BACH2: variants seen among roughly 807,000 people sequenced by gnomAD.
The protein encoded by BACH2 is BACH transcriptional regulator 2, also known as transcription regulator protein BACH2.
A neutral mutation model predicts 61.8 loss-of-function variants in BACH2; 5 were observed. The observed-to-expected ratio is 0.08, with a 90% CI of 0.04 to 0.17. The LOEUF (loss-of-function observed/expected upper bound fraction) is 0.17, where lower values mean the gene tolerates loss of function less well. BACH2 is among the 10% of genes least tolerant of loss of function. The pLI is 1.00. For missense variants in BACH2, 824 were observed against 1,091.1 expected (o/e 0.76, Z 3.45); for synonymous variants, 446 against 440.1 (o/e 1.01, Z -0.17).
At chr6:90,117,011 A>G in intron 4 of BACH2, 1 of 361,124 alleles carries the variant, frequency 2.8e-6, no homozygotes, top group Non-Finnish European at 5.5e-6. Context: ...GATGAATAAT[A>G]TTTCCCACAC....
At chr6:90,100,749 A>AGACACACACACC (rs1782593078) in intron 4 of BACH2, among the ~76,000 whole-genome samples, 6 of 150,608 alleles carry the variant, frequency 4.0e-5, no homozygotes, top group African/African-American at 1.5e-4. Flanking sequence ...ACACACACAC[A>AGACACACACACC]CCCTCTATTG....
intron 3 of BACH2, among the ~76,000 whole-genome samples, chr6:90,230,313 A>G (rs996847026): frequency 1.3e-5 from 2 of 152,260 alleles, no homozygotes; most frequent in East Asian, 1.9e-4. Context: ...CGGATTTGGC[A>G]TAACACCTGG....
At chr6:90,228,361 T>C (rs1050803355) in intron 3 of BACH2, among the ~76,000 whole-genome samples, 1 of 152,222 alleles carries the variant, frequency 6.6e-6, no homozygotes, top group Non-Finnish European at 1.5e-5. Context: ...AAAAGAACCA[T>C]AGGTGGATTA....
chr6:89,995,858 G>A (rs1776817707), intron 6 of BACH2, among the ~76,000 whole-genome samples: 1 of 152,174 alleles, frequency 6.6e-6, no homozygotes, highest in Non-Finnish European at 1.5e-5. Flanking sequence ...AGGTAATTTA[G>A]GGAGCAACTC....
chr6:90,033,036 G>T (rs538587448), intron 5 of BACH2, among the ~76,000 whole-genome samples: 2 of 152,180 alleles, frequency 1.3e-5, no homozygotes, highest in East Asian at 3.9e-4. Flanking sequence ...CATAAAAAAT[G>T]ATGAGTTCAT....
chr6:89,967,396 T>C (rs1300634683), intron 6 of BACH2, among the ~76,000 whole-genome samples: 2 of 152,226 alleles, frequency 1.3e-5, no homozygotes, highest in Admixed American at 6.5e-5. Context: ...CCTTTAAGGA[T>C]GTGAGTTAAA....
intron 5 of BACH2, among the ~76,000 whole-genome samples, chr6:90,013,955 A>G (rs928967473): frequency 5.4e-5 from 8 of 149,314 alleles, no homozygotes; most frequent in Admixed American, 5.3e-4. Flanking sequence ...ATTATTTCTT[A>G]TTTTTTTTTG....
intron 2 of BACH2, among the ~76,000 whole-genome samples, chr6:90,253,451 C>T (rs187162811): frequency 9.2e-5 from 14 of 152,154 alleles, no homozygotes; most frequent in Admixed American, 7.8e-4. Context: ...GAATTATTTT[C>T]GATATAGAAA....
intron 4 of BACH2, among the ~76,000 whole-genome samples, chr6:90,139,888 T>TCCAG (rs983871029): frequency 2.6e-5 from 4 of 152,166 alleles, no homozygotes; most frequent in African/African-American, 9.7e-5. Flanking sequence ...TAAGCCAGAC[T>TCCAG]CCAGCTAATA....
chr6:90,089,685 A>C (rs1021599527), intron 4 of BACH2, among the ~76,000 whole-genome samples: 1 of 152,178 alleles, frequency 6.6e-6, no homozygotes, highest in African/African-American at 2.4e-5. Context: ...ATCAATGGTA[A>C]CCTTGACACC....
At chr6:89,945,801 ACTCCT>A (rs1242598885) in intron 7 of BACH2, among the ~76,000 whole-genome samples, 1 of 152,070 alleles carries the variant, frequency 6.6e-6, no homozygotes. Flanking sequence ...CTTTCCCTAC[ACTCCT>A]CTCCAACGGT....
At chr6:90,206,935 A>G (rs953820155) in intron 3 of BACH2, among the ~76,000 whole-genome samples, 4 of 152,152 alleles carry the variant, frequency 2.6e-5, no homozygotes, top group Non-Finnish European at 4.4e-5. Context: ...GGAATTCAGG[A>G]GGTCAGTCTT....
chr6:90,046,353 C>T (rs181364818), intron 5 of BACH2, among the ~76,000 whole-genome samples: 10 of 152,268 alleles, frequency 6.6e-5, no homozygotes, highest in Admixed American at 5.2e-4. Flanking sequence ...TAGTGGCTAA[C>T]GAGACAAATG....
At chr6:90,238,766 A>G (rs1582519990) in intron 3 of BACH2, among the ~76,000 whole-genome samples, 1 of 152,170 alleles carries the variant, frequency 6.6e-6, no homozygotes. Flanking sequence ...TAATTCTTCA[A>G]TCTCATTTTC....
At chr6:90,210,297 C>G (rs1769296009) in intron 3 of BACH2, among the ~76,000 whole-genome samples, 1 of 142,178 alleles carries the variant, frequency 7.0e-6, no homozygotes. Flanking sequence ...ATAAACACAA[C>G]ACACACCCCA....
intron 5 of BACH2, among the ~76,000 whole-genome samples, chr6:90,073,039 A>G (rs1781310556): frequency 6.6e-6 from 1 of 152,264 alleles, no homozygotes; most frequent in Admixed American, 6.5e-5. Context: ...AGGAAATGCA[A>G]CAGATGGTAC....
chr6:90,133,352 A>C (rs972394913), intron 4 of BACH2, among the ~76,000 whole-genome samples: 12 of 152,206 alleles, frequency 7.9e-5, no homozygotes, highest in Non-Finnish European at 1.8e-4. Context: ...GAATTGAATA[A>C]ACCCAGAATT....
chr6:90,041,050 T>C (rs1779508588), intron 5 of BACH2, among the ~76,000 whole-genome samples: 1 of 152,176 alleles, frequency 6.6e-6, no homozygotes, highest in Non-Finnish European at 1.5e-5. Context: ...TTTGACTTTT[T>C]ACACTTCTAC....
At chr6:90,046,072 A>C (rs1779764060) in intron 5 of BACH2, among the ~76,000 whole-genome samples, 1 of 152,226 alleles carries the variant, frequency 6.6e-6, no homozygotes, top group South Asian at 2.1e-4. Flanking sequence ...ATGAAGCCTC[A>C]GTATCTCATG....
Sources: allele counts gnomAD v4.1 joint callset (sites outside exome capture counted in the v4.1 genomes callset), GRCh38; gene constraint gnomAD v4.1.1; transcripts MANE v1.5; gene names NCBI Gene and HGNC (gene_info 2026-07-23, HGNC 2026-07-21).